The following DNAH3 variants were observed in gnomAD, a reference collection of about 807,000 sequenced individuals.
DNAH3 encodes dynein axonemal heavy chain 3, also known as axonemal beta dynein heavy chain 3.
In DNAH3, 332 loss-of-function variants were observed where a neutral mutation model predicts 432.5. The ratio of observed to expected loss-of-function variants is 0.77; its 90% CI spans 0.70 to 0.84. The LOEUF (loss-of-function observed/expected upper bound fraction) is 0.84. Among genes scored for constraint, DNAH3 ranks in the 40% least tolerant of loss-of-function variants. The pLI, the probability that DNAH3 is intolerant of heterozygous loss-of-function variation, is 0.00. For missense variants in DNAH3, 4,861 were observed against 5,114.0 expected (o/e 0.95, Z 1.51); for synonymous variants, 1,956 against 1,900.2 (o/e 1.03, Z -0.76).
intron 18 of DNAH3, 104 bp downstream of exon 18, chr16:21,097,251 A>T: frequency 7.3e-7 from 1 of 1,364,112 alleles, no homozygotes; most frequent in Non-Finnish European, 1.0e-6. Context: ...GAATCTGATT[A>T]AAAGTCCAGC....
chr16:21,143,383 C>T (rs1597482849), intron 3 of DNAH3, among the ~76,000 whole-genome samples: 1 of 152,074 alleles, frequency 6.6e-6, no homozygotes, highest in African/African-American at 2.4e-5. Context: ...ACCCCTTCTC[C>T]CATGTGAGCA....
exon 55 of DNAH3, chr16:20,954,867 C>T (rs1186528541): frequency 1.2e-6 from 2 of 1,614,056 alleles, no homozygotes; most frequent in South Asian, 1.1e-5. Context: ...AAACAAAGGC[C>T]AAATAACATC....
intron 25 of DNAH3, among the ~76,000 whole-genome samples, chr16:21,061,017 T>C (rs1268792163): frequency 6.6e-6 from 1 of 151,156 alleles, no homozygotes; most frequent in East Asian, 2.0e-4. Context: ...TTTAAATTTT[T>C]CTGTAGAGCC....
chr16:21,127,555 T>C, intron 8 of DNAH3, 132 bp downstream of exon 9: 2 of 1,107,650 alleles, frequency 1.8e-6, no homozygotes, highest in South Asian at 1.5e-5. Flanking sequence ...AAAGAGACTC[T>C]GTCTCAAAAA....
At chr16:21,153,562 T>C (rs1051704161) in intron 1 of DNAH3, among the ~76,000 whole-genome samples, 1 of 152,152 alleles carries the variant, frequency 6.6e-6, no homozygotes, top group Non-Finnish European at 1.5e-5. Context: ...AGCCGCTTGA[T>C]CCCCTTCTAC....
chr16:20,976,037 G>A (rs1465046944), intron 50 of DNAH3, among the ~76,000 whole-genome samples: 4 of 151,318 alleles, frequency 2.6e-5, no homozygotes, highest in South Asian at 4.2e-4. Context: ...GAGCCACCAC[G>A]CCCGGCCAAG....
At chr16:21,033,128 T>A (rs2088975184) in intron 36 of DNAH3, among the ~76,000 whole-genome samples, 1 of 152,128 alleles carries the variant, frequency 6.6e-6, no homozygotes, top group Admixed American at 6.5e-5. Flanking sequence ...CCCTGTTCCC[T>A]GCCTCAAAAT....
rs113152252 is a variant in DNAH3 at position 21,006,388 on chromosome 16, T to C, written c.6023-3181A>G. Among the ~76,000 whole-genome samples, 583 of 152,332 alleles carry C rather than the reference T, an allele frequency of 3.8e-3. 8 individuals carry two copies. The highest frequency in any genetic ancestry group is 0.013 in the African/African-American group (552 of 41,576). On this transcript the variant is annotated intron_variant, in intron 41 of 61. Transcript: ENST00000261383. ...TTACATATCATATAATCCAACTAGTTCAAGTGTACAATTCAGTTGTACTTT... is the reference window on the plus strand; with the variant it reads ...TTACATATCATATAATCCAACTAGTCCAAGTGTACAATTCAGTTGTACTTT...
At chr16:21,001,405 G>A (rs1597108177) in intron 42 of DNAH3, among the ~76,000 whole-genome samples, 1 of 152,252 alleles carries the variant, frequency 6.6e-6, no homozygotes, top group African/African-American at 2.4e-5. Flanking sequence ...CCACTGTGTT[G>A]TACAACTACA....
chr16:21,138,815 A>AAT (rs1455235636), intron 5 of DNAH3, among the ~76,000 whole-genome samples: 2 of 151,116 alleles, frequency 1.3e-5, no homozygotes, highest in Non-Finnish European at 2.9e-5. Flanking sequence ...CTCTAATAAA[A>AAT]AAAAAAAACA....
At chr16:20,990,063 CT>C (rs979489011) in intron 44 of DNAH3, among the ~76,000 whole-genome samples, 1 of 152,240 alleles carries the variant, frequency 6.6e-6, no homozygotes, top group Non-Finnish European at 1.5e-5. Context: ...GGGCTCCGGC[CT>C]TGCCCAGCCC....
intron 20 of DNAH3, among the ~76,000 whole-genome samples, chr16:21,080,350 A>G (rs1363878044): frequency 1.6e-5 from 2 of 122,016 alleles, no homozygotes; most frequent in Non-Finnish European, 3.6e-5. Context: ...CATTTTAAAA[A>G]TATTAAAAGA....
chr16:21,145,234 G>A (rs374607064), exon 3 of DNAH3: 72 of 1,613,124 alleles, frequency 4.5e-5, no homozygotes, highest in African/African-American at 1.3e-4. Flanking sequence ...GATGGTGGCC[G>A]GTTGGTAGAC....
rs745473531 is a variant in DNAH3, at chr16:21,145,986, G to A, written c.220C>T (p.Gln74Ter). 4 of 1,605,822 alleles carry A rather than the reference G, an allele frequency of 2.5e-6. No individual in the cohort carries two copies. Among genetic ancestry groups the A allele is most frequent in the East Asian group, 2.2e-5 (1 of 44,840 alleles). Residue 74 changes from glutamine (Q) to a stop codon, truncating the protein, a stop_gained and splice_region_variant, in exon 2 of 62, where the codon CAG becomes TAG. Coordinates refer to ENST00000261383, the Ensembl canonical transcript of DNAH3. LOFTEE classifies it high-confidence loss of function. ...AGCTGGCAGCCAGGTGTGCATACCT[G>A]ATAGAGTCCAGACGGTTCCTCATTA...
chr16:21,123,105 T>C (rs564984875), intron 9 of DNAH3, among the ~76,000 whole-genome samples: 3 of 152,220 alleles, frequency 2.0e-5, no homozygotes, highest in Admixed American at 1.3e-4. Context: ...TAAAAATTTA[T>C]TGATTCAGTC....
intron 60 of DNAH3, among the ~76,000 whole-genome samples, 193 bp downstream of exon 60, chr16:20,936,456 G>A (rs139873301): frequency 3.3e-5 from 5 of 152,116 alleles, no homozygotes; most frequent in African/African-American, 9.6e-5. Flanking sequence ...GCGCCCGGCC[G>A]GCTATAATCT....
intron 7 of DNAH3, 78 bp from the exon 9 acceptor site, chr16:21,127,890 T>G (rs943047701): frequency 2.0e-6 from 3 of 1,532,080 alleles, no homozygotes; most frequent in Non-Finnish European, 2.7e-6. Context: ...TCCAAGGGTG[T>G]GTGTTCACGT....
At chr16:21,093,289 C>T (rs1049169821) in intron 18 of DNAH3, among the ~76,000 whole-genome samples, 1 of 152,066 alleles carries the variant, frequency 6.6e-6, no homozygotes, top group African/African-American at 2.4e-5. Context: ...TAGTACTTAC[C>T]TCAAAAAGTG....
exon 42 of DNAH3, chr16:21,003,172 T>C (rs2087114739): frequency 6.2e-7 from 1 of 1,610,674 alleles, no homozygotes; most frequent in Non-Finnish European, 8.5e-7. Flanking sequence ...CAATGTCCAC[T>C]AGCTTGTTTG....
Sources: allele counts gnomAD v4.1 joint callset (sites outside exome capture counted in the v4.1 genomes callset), GRCh38; gene constraint gnomAD v4.1.1; transcripts MANE v1.5; gene names NCBI Gene and HGNC (gene_info 2026-07-23, HGNC 2026-07-21).